EGF: variants seen among roughly 807,000 people sequenced by gnomAD.
EGF encodes the protein epidermal growth factor.
In EGF, 95 loss-of-function variants were observed where a neutral mutation model predicts 143.8. The observed-to-expected ratio is 0.66, with a 90% CI of 0.56 to 0.78. The LOEUF is 0.78. EGF is among the 30% of genes least tolerant of loss of function. The pLI, the probability that EGF is intolerant of heterozygous loss-of-function variation, is 0.00. For synonymous variants in EGF, 510 were observed against 510.5 expected (o/e 1.00, Z 0.01); for missense variants, 1,320 against 1,470.9 (o/e 0.90, Z 1.68).
At chr4:109,951,147 AAAAT>A (rs1743830661) in intron 5 of EGF, among the ~76,000 whole-genome samples, 2 of 33,772 alleles carry the variant, frequency 5.9e-5, no homozygotes, top group Admixed American at 3.2e-4. Context: ...TCTCTACTAA[AAAAT>A]AAAATAAAAT....
At chr4:109,979,056 C>A (rs994484294) in intron 13 of EGF, among the ~76,000 whole-genome samples, 1 of 152,188 alleles carries the variant, frequency 6.6e-6, no homozygotes, top group Non-Finnish European at 1.5e-5. Context: ...TTAAAACATT[C>A]CCTTGCGTAT....
chr4:109,966,412 T>C lies in EGF; in HGVS notation c.1575+1875T>C, dbSNP rs1446460878. Among the ~76,000 whole-genome samples the C allele has an allele frequency of 3.3e-5, 5 of 152,266 alleles. No individual in the cohort carries two copies. The East Asian group carries it at 9.6e-4, about 29-fold the overall frequency. On this transcript the variant is annotated intron_variant, in intron 10 of 23. Transcript: ENST00000265171. ...TTTATGAGCAGTATTCCATTGTATA[T>C]ATATGACACATTTTAAAAATCCACT...
chr4:109,950,722 C>T (rs1206910869), intron 5 of EGF, among the ~76,000 whole-genome samples: 1 of 152,192 alleles, frequency 6.6e-6, no homozygotes, highest in Non-Finnish European at 1.5e-5. Context: ...TCTGCATGCT[C>T]AGGAACTTGC....
intron 1 of EGF, among the ~76,000 whole-genome samples, chr4:109,934,399 T>G (rs2347137): frequency 0.55 from 82,882 of 152,070 alleles, 25,378 homozygotes; most frequent in African/African-American, 0.83. Context: ...TCCACTTTTT[T>G]ATGGGGTTGT....
At chr4:109,968,742 A>G in intron 10 of EGF, 3 of 523,258 alleles carry the variant, frequency 5.7e-6, no homozygotes, top group Non-Finnish European at 1.0e-5. Flanking sequence ...TAAGATTGAT[A>G]TTATTATCCT....
chr4:109,981,588 T>C (rs1244967925), intron 15 of EGF, among the ~76,000 whole-genome samples: 1 of 152,248 alleles, frequency 6.6e-6, no homozygotes, highest in Admixed American at 6.5e-5. Flanking sequence ...TCCCTTGATA[T>C]CTTTCTAGCA....
intron 10 of EGF, among the ~76,000 whole-genome samples, chr4:109,966,833 G>A (rs6533483): frequency 0.55 from 82,911 of 151,906 alleles, 25,439 homozygotes; most frequent in African/African-American, 0.83. Flanking sequence ...GGCTGCTTGT[G>A]TGTCTTCTTT....
chr4:109,926,880 G>A (rs1195847955), intron 1 of EGF, among the ~76,000 whole-genome samples: 2 of 152,208 alleles, frequency 1.3e-5, no homozygotes, highest in Non-Finnish European at 2.9e-5. Flanking sequence ...GAAGATAGAT[G>A]TTGGAGATGT....
At chr4:109,963,825 TAA>T (rs1317313103) in intron 9 of EGF, among the ~76,000 whole-genome samples, 3 of 152,228 alleles carry the variant, frequency 2.0e-5, no homozygotes, top group African/African-American at 7.2e-5. Flanking sequence ...CATTATGTTT[TAA>T]ACATATAATG....
At chr4:109,976,943 A>G (rs1401731989) in intron 13 of EGF, among the ~76,000 whole-genome samples, 4 of 152,218 alleles carry the variant, frequency 2.6e-5, no homozygotes, top group Non-Finnish European at 5.9e-5. Context: ...TAAAATGTAT[A>G]TGTTAAGATT....
chr4:109,935,291 G>A (rs1201446147), intron 1 of EGF, among the ~76,000 whole-genome samples: 1 of 152,028 alleles, frequency 6.6e-6, no homozygotes, highest in East Asian at 1.9e-4. Flanking sequence ...CTTATAAGTT[G>A]GATTCCTAGG....
At chr4:109,926,948 T>C (rs1323319898) in intron 1 of EGF, among the ~76,000 whole-genome samples, 1 of 152,238 alleles carries the variant, frequency 6.6e-6, no homozygotes, top group Non-Finnish European at 1.5e-5. Context: ...CTGTTAAAAA[T>C]TCTTGTGTCT....
chr4:110,004,997 T>TTTTC (rs1376970769), intron 22 of EGF, among the ~76,000 whole-genome samples: 2 of 151,676 alleles, frequency 1.3e-5, no homozygotes, highest in Admixed American at 6.6e-5. Context: ...TTCTAATTTA[T>TTTTC]TTTCTTTCTT....
chr4:109,972,045 T>TAA (rs202031045), intron 11 of EGF, among the ~76,000 whole-genome samples: 13 of 147,434 alleles, frequency 8.8e-5, no homozygotes, highest in African/African-American at 3.0e-4. Flanking sequence ...TAATATGAGG[T>TAA]AAAAAAAAAA....
intron 23 of EGF, 48 bp downstream of exon 23, chr4:110,008,278 T>C: frequency 6.2e-7 from 1 of 1,604,358 alleles, no homozygotes; most frequent in Non-Finnish European, 8.5e-7. Context: ...TTTACTTAGA[T>C]CCTGACTGTT....
chr4:109,948,888 T>C (rs1002175529), intron 5 of EGF, among the ~76,000 whole-genome samples: 1 of 152,206 alleles, frequency 6.6e-6, no homozygotes, highest in African/African-American at 2.4e-5. Flanking sequence ...AGTGGTACTT[T>C]GCTTTACAAA....
intron 15 of EGF, among the ~76,000 whole-genome samples, chr4:109,982,762 C>G (rs1749576470): frequency 6.6e-6 from 1 of 152,052 alleles, no homozygotes; most frequent in Admixed American, 6.6e-5. Context: ...TTTGCCATAT[C>G]AGTACAAATG....
Position 109,962,846 on chromosome 4 carries a change from C to T in EGF, c.1313-327C>T, listed in dbSNP as rs926408660. 2.6e-5 allele frequency among the ~76,000 whole-genome samples: 4 copies of T among 152,144 alleles called. 1 individual carries two copies. The highest frequency in any genetic ancestry group is 2.6e-4 in the Admixed American group (4 of 15,284). ...TTTTGGGAGGCTGAGGCAGATAGAT[C>T]TCCTGAGGTCAGGAGTTTGAGACCA... On this transcript the variant is annotated intron_variant, in intron 8 of 23. Transcript: ENST00000265171.
At chr4:109,972,509 G>A (rs1363779470) in intron 11 of EGF, among the ~76,000 whole-genome samples, 1 of 152,082 alleles carries the variant, frequency 6.6e-6, no homozygotes, top group Non-Finnish European at 1.5e-5. Context: ...CAAGCAAGTG[G>A]CCTCAGAATT....
Sources: gnomAD v4.1 joint callset for allele counts (sites outside exome capture counted in the v4.1 genomes callset) on GRCh38, gnomAD v4.1.1 for gene constraint, MANE v1.5 for transcripts, NCBI Gene and HGNC (gene_info 2026-07-23, HGNC 2026-07-21) for gene names.